NAF1: variants seen among roughly 807,000 people sequenced by gnomAD.
The protein encoded by NAF1 is nuclear assembly factor 1 ribonucleoprotein, also known as H/ACA ribonucleoprotein complex non-core subunit NAF1.
In NAF1, 11 loss-of-function variants were observed where a neutral mutation model predicts 40.6. The observed-to-expected ratio is 0.27, with a 90% CI of 0.17 to 0.45. NAF1 has a LOEUF of 0.45. Ranked by LOEUF, NAF1 falls within the 20% of genes least tolerant of loss-of-function variation. The probability of loss-of-function intolerance (pLI) is 1.00; values close to 1 mark genes in which losing one functional copy is unlikely to be tolerated. For missense variants in NAF1, 607 were observed against 611.1 expected, an observed-to-expected ratio of 0.99 and a Z score of 0.07; for synonymous variants, 260 against 228.5, an observed-to-expected ratio of 1.14 and a Z score of -1.24.
intron 4 of NAF1, among the ~76,000 whole-genome samples, chr4:163,140,726 G>A (rs1409081813): frequency 6.6e-6 from 1 of 152,116 alleles, no homozygotes; most frequent in African/African-American, 2.4e-5. Context: ...AAAGTACACA[G>A]AAAAGGATTA....
downstream of NAF1, among the ~76,000 whole-genome samples, chr4:163,124,936 A>G (rs1264188427): frequency 6.6e-5 from 10 of 152,190 alleles, no homozygotes; most frequent in Admixed American, 3.3e-4. Context: ...CACTTCATGT[A>G]TTCTGTCGCA....
At chr4:163,143,899 AAT>A (rs1440867264) in intron 4 of NAF1, 4 of 383,662 alleles carry the variant, frequency 1.0e-5, no homozygotes, top group African/African-American at 8.8e-5. Flanking sequence ...AATACAGACG[AAT>A]AGAGTATTCT....
At chr4:163,143,807 A>C (rs1579160942) in intron 4 of NAF1, among the ~76,000 whole-genome samples, 1 of 152,292 alleles carries the variant, frequency 6.6e-6, no homozygotes, top group East Asian at 1.9e-4. Flanking sequence ...GAAATGAGGA[A>C]ATGAACCTTT....
chr4:163,113,547 G>A (rs1359022293), intron 2 of NAF1, among the ~76,000 whole-genome samples: 1 of 152,042 alleles, frequency 6.6e-6, no homozygotes, highest in Non-Finnish European at 1.5e-5. Flanking sequence ...CCGCCCACAG[G>A]ATCAGACTTC....
At chr4:163,120,530 T>A (rs143654236) in intron 2 of NAF1, among the ~76,000 whole-genome samples, 18 of 152,200 alleles carry the variant, frequency 1.2e-4, no homozygotes, top group Non-Finnish European at 2.4e-4. Flanking sequence ...CTGTAAGATA[T>A]GCAATGTAAA....
At chr4:163,129,981 T>G (rs1730807598) in intron 7 of NAF1, among the ~76,000 whole-genome samples, 1 of 152,120 alleles carries the variant, frequency 6.6e-6, no homozygotes. Flanking sequence ...ATGTCAGAAC[T>G]TCTACCCTCA....
At chr4:163,112,137 AATAAG>A (rs1185299032) in intron 2 of NAF1, among the ~76,000 whole-genome samples, 1 of 152,288 alleles carries the variant, frequency 6.6e-6, no homozygotes, top group Non-Finnish European at 1.5e-5. Flanking sequence ...GGATAAAAAA[AATAAG>A]ATGAGAGAGA....
chr4:163,141,475 C>T (rs1021770900), intron 4 of NAF1, among the ~76,000 whole-genome samples: 1 of 151,848 alleles, frequency 6.6e-6, no homozygotes, highest in Admixed American at 6.6e-5. Context: ...GTATACTGCC[C>T]CCTTTTAAAA....
intron 1 of NAF1, 129 bp from the exon 2 acceptor site, chr4:163,164,520 A>T: frequency 1.5e-6 from 1 of 675,134 alleles, no homozygotes; most frequent in Non-Finnish European, 2.2e-6. Context: ...TTAAAATAAG[A>T]TTATGCAATT....
intron 5 of NAF1, 82 bp downstream of exon 5, chr4:163,140,141 G>C (rs1305313370): frequency 1.7e-6 from 2 of 1,163,212 alleles, no homozygotes; most frequent in Non-Finnish European, 2.4e-6. Context: ...CAATATAACT[G>C]TAAGAAATTA....
At chr4:163,153,852 T>G (rs1198357493) in intron 2 of NAF1, among the ~76,000 whole-genome samples, 1 of 152,254 alleles carries the variant, frequency 6.6e-6, no homozygotes, top group East Asian at 1.9e-4. Context: ...GTTCTTTCGC[T>G]CTTTGCAATA....
intron 3 of NAF1, among the ~76,000 whole-genome samples, 196 bp from the exon 4 acceptor site, chr4:163,146,060 T>G (rs544052514): frequency 1.3e-5 from 2 of 152,252 alleles, no homozygotes; most frequent in African/African-American, 2.4e-5. Flanking sequence ...ATACCTATTT[T>G]TAATACAAAA....
At chr4:163,130,850 T>C (rs1360081955) in intron 7 of NAF1, among the ~76,000 whole-genome samples, 3 of 152,172 alleles carry the variant, frequency 2.0e-5, no homozygotes, top group Admixed American at 6.5e-5. Context: ...AAAGATAACA[T>C]AGAAGAAAAT....
chr4:163,128,221 T>G (rs1419463016), downstream of NAF1, among the ~76,000 whole-genome samples: 3 of 152,216 alleles, frequency 2.0e-5, no homozygotes, highest in Non-Finnish European at 4.4e-5. Flanking sequence ...AAATAGATCT[T>G]ATTGTGAATA....
intron 2 of NAF1, among the ~76,000 whole-genome samples, chr4:163,160,347 A>AAAAAACAAAAAC: frequency 6.6e-6 from 1 of 152,262 alleles, no homozygotes; most frequent in South Asian, 2.1e-4. Context: ...CCCTCACATT[A>AAAAAACAAAAAC]AAAAACAAAA....
intron 5 of NAF1, among the ~76,000 whole-genome samples, chr4:163,137,744 G>C (rs757008288): frequency 6.6e-6 from 1 of 152,094 alleles, no homozygotes; most frequent in Non-Finnish European, 1.5e-5. Flanking sequence ...TCCTCTATGA[G>C]TAACCAAGGC....
At chr4:163,138,387 C>T (rs1223362876) in intron 5 of NAF1, among the ~76,000 whole-genome samples, 2 of 152,134 alleles carry the variant, frequency 1.3e-5, no homozygotes, top group East Asian at 1.9e-4. Context: ...CTGCTGTTAG[C>T]CTGGAATCAC....
At chr4:163,127,624 A>T (rs1730704346), downstream of NAF1, among the ~76,000 whole-genome samples, 1 of 152,162 alleles carries the variant, frequency 6.6e-6, no homozygotes, top group Non-Finnish European at 1.5e-5. Context: ...TAACTTCTAA[A>T]GAGAAGTTGC....
At position 163,160,435 on chromosome 4, in the gene NAF1, TTA is replaced by T. The variant is rs140357539; in HGVS notation, c.540+3780_540+3781del. On this transcript the variant is annotated intron_variant, in intron 2 of 7. Coordinates refer to ENST00000274054, the MANE Select transcript of NAF1 (RefSeq NM_138386.3). Reference sequence around the variant, plus strand: ...TTTGGTTATAACCTAATTTTAAAAATTATATCTTTCTAAGGTTTAAGAACAAT... The same window carrying T: ...TTTGGTTATAACCTAATTTTAAAAATTATCTTTCTAAGGTTTAAGAACAAT... 4.3e-3 allele frequency among the ~76,000 whole-genome samples: 636 copies of T among 148,442 alleles called. 27 individuals are homozygous for T. The East Asian group carries it at 0.059, about 14-fold the overall frequency.
Sources: gnomAD v4.1 joint callset for allele counts (sites outside exome capture counted in the v4.1 genomes callset) on GRCh38, gnomAD v4.1.1 for gene constraint, MANE v1.5 for transcripts, NCBI Gene and HGNC (gene_info 2026-07-23, HGNC 2026-07-21) for gene names.